TAFA2: variants seen among roughly 807,000 people sequenced by gnomAD.
TAFA2 encodes chemokine-like protein TAFA-2.
TAFA2 carries 7 observed loss-of-function variants against 18.8 expected under a neutral mutation model. The ratio of observed to expected loss-of-function variants is 0.37; its 90% CI spans 0.21 to 0.70. The LOEUF (loss-of-function observed/expected upper bound fraction) is 0.70. TAFA2 is among the 30% of genes least tolerant of loss of function. The pLI is 0.53. For missense variants in TAFA2, 122 were observed against 158.1 expected (o/e 0.77, Z 1.23); for synonymous variants, 60 against 54.2 (o/e 1.11, Z -0.47).
intron 1 of TAFA2, among the ~76,000 whole-genome samples, chr12:62,153,676 A>G (rs1360353684): frequency 6.6e-6 from 1 of 152,132 alleles, no homozygotes; most frequent in South Asian, 2.1e-4. Context: ...CTCAAAAAAA[A>G]AAAGGCAACA....
upstream of TAFA2, chr12:62,192,956 T>A (rs1257375460): frequency 6.6e-6 from 1 of 152,252 alleles, no homozygotes; most frequent in African/African-American, 2.4e-5. Context: ...TCAGATAATT[T>A]GCATTTTTAC....
intron 4 of TAFA2, among the ~76,000 whole-genome samples, chr12:61,719,728 C>A (rs1028287215): frequency 4.1e-4 from 62 of 152,120 alleles, no homozygotes; most frequent in African/African-American, 1.4e-3. Flanking sequence ...GCAAGAAGAA[C>A]CCTTAGGGCG....
At chr12:62,011,203 C>T (rs1372914015) in intron 1 of TAFA2, among the ~76,000 whole-genome samples, 3 of 152,050 alleles carry the variant, frequency 2.0e-5, no homozygotes, top group Admixed American at 6.6e-5. Flanking sequence ...GTGAGGAGCA[C>T]CTCTGCCAGG....
chr12:61,880,379 C>A (rs544824327), intron 1 of TAFA2: 81 of 527,658 alleles, frequency 1.5e-4, no homozygotes, highest in African/African-American at 1.5e-3. Flanking sequence ...CAACACCAAG[C>A]TGTTGGAGCT....
upstream of TAFA2, chr12:62,259,144 T>C (rs940070500): frequency 6.6e-6 from 1 of 152,288 alleles, no homozygotes; most frequent in African/African-American, 2.4e-5. Flanking sequence ...TGAGTTAGGG[T>C]TTAAAATGGG....
intron 1 of TAFA2, among the ~76,000 whole-genome samples, chr12:61,907,990 C>T (rs539325640): frequency 1.1e-4 from 17 of 152,256 alleles, no homozygotes; most frequent in African/African-American, 3.9e-4. Flanking sequence ...CCCATTGTAT[C>T]TAGGAAGTAA....
At chr12:61,937,058 A>T (rs11174244) in intron 1 of TAFA2, among the ~76,000 whole-genome samples, 13,502 of 152,228 alleles carry the variant, frequency 0.089, 763 homozygotes, top group East Asian at 0.22. Flanking sequence ...CCTTTTTACC[A>T]TAGCTGCAAA....
At chr12:62,234,943 C>A (rs2062829790) in intron 1 of TAFA2, 1 of 755,064 alleles carries the variant, frequency 1.3e-6, no homozygotes, top group South Asian at 1.3e-5. Context: ...ATAGCCTGGG[C>A]CTCAGTGGAA....
intron 2 of TAFA2, among the ~76,000 whole-genome samples, chr12:61,839,167 A>T (rs1873067737): frequency 6.6e-6 from 1 of 152,090 alleles, no homozygotes; most frequent in Admixed American, 6.6e-5. Flanking sequence ...GATGGGCAAG[A>T]AAGATGTAAA....
At position 61,856,075 on chromosome 12, in the gene TAFA2, G is replaced by A. The variant is rs112244682; in HGVS notation, c.106+11245C>T. 4.4e-3 allele frequency among the ~76,000 whole-genome samples: 674 copies of A among 152,008 alleles called. 5 individuals carry two copies. The highest frequency in any genetic ancestry group is 0.014 in the African/African-American group (594 of 41,506). ...GTCTTTTAATATTGATCTATCTATT[G>A]ATAGATATGCATGTTTATTTTTTGA... On this transcript the variant is annotated intron_variant, in intron 2 of 4. Coordinates refer to ENST00000416284, the MANE Select transcript of TAFA2 (RefSeq NM_178539.5).
chr12:62,109,568 G>A (rs1203674320), intron 1 of TAFA2, among the ~76,000 whole-genome samples: 1 of 152,096 alleles, frequency 6.6e-6, no homozygotes, highest in Non-Finnish European at 1.5e-5. Context: ...AATTACTTTG[G>A]GCTGTATGTA....
At chr12:62,067,991 T>TA (rs954825113) in intron 1 of TAFA2, among the ~76,000 whole-genome samples, 16 of 151,858 alleles carry the variant, frequency 1.1e-4, no homozygotes, top group African/African-American at 3.6e-4. Flanking sequence ...CAGATTCTTC[T>TA]AAAAAAAGGA....
intron 4 of TAFA2, among the ~76,000 whole-genome samples, chr12:61,714,891 A>G (rs946653403): frequency 6.6e-6 from 1 of 152,258 alleles, no homozygotes; most frequent in Non-Finnish European, 1.5e-5. Context: ...GGTGAGAGGC[A>G]TAACGACAAA....
At position 62,035,603 on chromosome 12, in the gene TAFA2, T is replaced by G. The variant is rs566519078; in HGVS notation, c.-2+155656A>C. 2.0e-5 allele frequency among the ~76,000 whole-genome samples: 3 copies of G among 150,846 alleles called. No individual in the cohort carries two copies. The East Asian group carries it at 5.8e-4, about 29-fold the overall frequency. On this transcript the variant is annotated intron_variant, in intron 1 of 4. Coordinates refer to ENST00000416284, the MANE Select transcript of TAFA2 (RefSeq NM_178539.5). The stretch of plus-strand genomic sequence containing the variant: ...ATTCAAAGAACTGAAAGGAAGCTAG[T>G]GTGCCTGGAGTGGAGAGTGCAATGG...
At chr12:61,968,792 T>C (rs1879150947) in intron 1 of TAFA2, among the ~76,000 whole-genome samples, 1 of 151,734 alleles carries the variant, frequency 6.6e-6, no homozygotes, top group Admixed American at 6.6e-5. Context: ...AAGTAGAAAC[T>C]TGCCCCAGAG....
chr12:62,162,317 G>A (rs763044659), intron 1 of TAFA2, among the ~76,000 whole-genome samples: 1 of 152,134 alleles, frequency 6.6e-6, no homozygotes, highest in African/African-American at 2.4e-5. Context: ...TAACACTGAT[G>A]GTAGCTCTAA....
Position 62,235,064 on chromosome 12 carries a change from G to C in TAFA2, c.-130+23699C>G, listed in dbSNP as rs910662033. The C allele has an allele frequency of 4.8e-6, 3 of 626,292 alleles. No individual in the cohort carries two copies. The African/African-American group carries it at 5.4e-5, about 11-fold the overall frequency. 38.8% of individuals were successfully genotyped at this position (626,292 alleles called of 1,614,324 possible). On this transcript the variant is annotated intron_variant, in intron 1 of 5. Transcript: ENST00000551619. ...TCACTGGAATTCCAGTGGAAGCTGA[G>C]ACTGGCAGCCTGAAGGCCCTGGCCA...
intron 1 of TAFA2, among the ~76,000 whole-genome samples, chr12:61,873,324 A>C (rs1040303554): frequency 3.4e-5 from 5 of 145,348 alleles, no homozygotes; most frequent in African/African-American, 1.3e-4. Flanking sequence ...ATTATACTTT[A>C]AGTTTTAGGG....
intron 1 of TAFA2, among the ~76,000 whole-genome samples, chr12:61,996,363 T>C (rs1465860517): frequency 1.3e-5 from 2 of 152,144 alleles, no homozygotes; most frequent in Admixed American, 6.5e-5. Flanking sequence ...AACCGATGTT[T>C]CAGTAACAAG....
Sources: gnomAD v4.1 joint callset for allele counts (sites outside exome capture counted in the v4.1 genomes callset) on GRCh38, gnomAD v4.1.1 for gene constraint, MANE v1.5 for transcripts, NCBI Gene and HGNC (gene_info 2026-07-23, HGNC 2026-07-21) for gene names.